ZDHHC14: variants seen among roughly 807,000 people sequenced by gnomAD.
ZDHHC14 encodes the protein palmitoyltransferase ZDHHC14.
ZDHHC14 carries 16 observed loss-of-function variants against 47.7 expected under a neutral mutation model. The ratio of observed to expected loss-of-function variants is 0.34; its 90% CI spans 0.23 to 0.51. The LOEUF (loss-of-function observed/expected upper bound fraction) is 0.51. Ranked by LOEUF, ZDHHC14 falls within the 20% of genes least tolerant of loss-of-function variation. The pLI is 0.97. For missense variants in ZDHHC14, 515 were observed against 662.5 expected, an observed-to-expected ratio of 0.78 and a Z score of 2.44; for synonymous variants, 293 against 278.9, an observed-to-expected ratio of 1.05 and a Z score of -0.50.
chr6:157,485,554 T>C (rs1779757465), intron 1 of ZDHHC14, among the ~76,000 whole-genome samples: 1 of 152,198 alleles, frequency 6.6e-6, no homozygotes. Context: ...CCTGTCCCAC[T>C]TTTCCCACAT....
rs892656180 is a variant in ZDHHC14, at chr6:157,567,544, C to T, written c.406+24799C>T. ...CATAAAAGTTGAACCCGCCGGGCGC[C>T]GTGGCTTTTGCCTGTAATCCCAACA... is the stretch of plus-strand genomic sequence containing the variant. On this transcript the variant is annotated intron_variant, in intron 2 of 8. Coordinates refer to ENST00000359775, the MANE Select transcript of ZDHHC14 (RefSeq NM_024630.3). Among the ~76,000 whole-genome samples, 23 of 152,088 alleles carry T rather than the reference C, an allele frequency of 1.5e-4. No individual in the cohort carries two copies. The South Asian group carries it at 1.9e-3, about 12-fold the overall frequency.
intron 1 of ZDHHC14, among the ~76,000 whole-genome samples, chr6:157,481,876 C>G (rs113160301): frequency 0.019 from 2,914 of 152,286 alleles, 97 homozygotes; most frequent in African/African-American, 0.066. Context: ...TATCTTACTT[C>G]TCTTATTAGA....
At chr6:157,563,746 C>T (rs143437269) in intron 2 of ZDHHC14, among the ~76,000 whole-genome samples, 471 of 152,332 alleles carry the variant, frequency 3.1e-3, no homozygotes, top group Non-Finnish European at 5.3e-3. Context: ...CTCAAACACC[C>T]GGGGAACTCT....
intron 1 of ZDHHC14, among the ~76,000 whole-genome samples, chr6:157,519,738 TTCA>T (rs1189156643): frequency 6.6e-6 from 1 of 152,124 alleles, no homozygotes; most frequent in Non-Finnish European, 1.5e-5. Flanking sequence ...AACGAAAGGA[TTCA>T]TCGTTTTTTT....
chr6:157,657,053 T>TG (rs1562533300), intron 8 of ZDHHC14, among the ~76,000 whole-genome samples: 1 of 112,718 alleles, frequency 8.9e-6, no homozygotes, highest in East Asian at 2.0e-4. Context: ...AGGGTATTTG[T>TG]ATTTTTTTTT....
At chr6:157,468,111 C>T (rs1011063838) in intron 1 of ZDHHC14, among the ~76,000 whole-genome samples, 2 of 152,154 alleles carry the variant, frequency 1.3e-5, no homozygotes, top group African/African-American at 4.8e-5. Context: ...AACCTAACAA[C>T]TCCTGAGTTA....
rs562534135 is a variant in ZDHHC14 at position 157,501,912 on chromosome 6, G to T, written c.246-40673G>T. Among the ~76,000 whole-genome samples the T allele has an allele frequency of 1.7e-4, 26 of 152,266 alleles. No homozygotes were observed. The South Asian group carries it at 5.2e-3, about 30-fold the overall frequency. On this transcript the variant is annotated intron_variant, in intron 1 of 8. Coordinates refer to ENST00000359775, the MANE Select transcript of ZDHHC14 (RefSeq NM_024630.3). Reference sequence around the variant, plus strand: ...ATATTTCAGCTTCTTCAGGACACAGGACTGTGTTTTAGTCTGGAAGGATTC... The same window carrying T: ...ATATTTCAGCTTCTTCAGGACACAGTACTGTGTTTTAGTCTGGAAGGATTC...
intron 7 of ZDHHC14, among the ~76,000 whole-genome samples, chr6:157,648,502 T>C (rs762657780): frequency 1.1e-4 from 10 of 94,976 alleles, no homozygotes; most frequent in African/African-American, 1.6e-4. Context: ...GTTATTACTT[T>C]GAGTCACCGT....
intron 1 of ZDHHC14, among the ~76,000 whole-genome samples, chr6:157,449,231 A>G (rs1702809799): frequency 6.6e-6 from 1 of 152,210 alleles, no homozygotes; most frequent in Non-Finnish European, 1.5e-5. Flanking sequence ...GTCCATGAAA[A>G]GATTTTTGTT....
At chr6:157,671,380 A>G (rs527941771) in intron 8 of ZDHHC14, among the ~76,000 whole-genome samples, 1 of 152,312 alleles carries the variant, frequency 6.6e-6, no homozygotes, top group Admixed American at 6.5e-5. Context: ...CTCCTGCAGA[A>G]GTGAAGTGGA....
chr6:157,425,462 C>G (rs1246659403), intron 1 of ZDHHC14, among the ~76,000 whole-genome samples: 1 of 152,186 alleles, frequency 6.6e-6, no homozygotes, highest in Non-Finnish European at 1.5e-5. Context: ...CTTTCTCACC[C>G]AATTATGTTG....
chr6:157,419,049 G>A (rs938204533), intron 1 of ZDHHC14, among the ~76,000 whole-genome samples: 2 of 152,176 alleles, frequency 1.3e-5, no homozygotes, highest in African/African-American at 2.4e-5. Flanking sequence ...GGCCATTTGT[G>A]GAGCAGCAGG....
intron 1 of ZDHHC14, among the ~76,000 whole-genome samples, chr6:157,517,782 C>A (rs1026908573): frequency 2.0e-5 from 3 of 152,248 alleles, no homozygotes; most frequent in Non-Finnish European, 4.4e-5. Context: ...CATCTGGGCG[C>A]TGCCTGCATT....
At chr6:157,602,449 C>T (rs1784371479) in intron 3 of ZDHHC14, among the ~76,000 whole-genome samples, 1 of 148,460 alleles carries the variant, frequency 6.7e-6, no homozygotes, top group Non-Finnish European at 1.5e-5. Flanking sequence ...GAGATGGCAC[C>T]ACTGCACTCC....
At chr6:157,520,515 G>A (rs1446598989) in intron 1 of ZDHHC14, among the ~76,000 whole-genome samples, 1 of 152,174 alleles carries the variant, frequency 6.6e-6, no homozygotes, top group African/African-American at 2.4e-5. Flanking sequence ...ATGTTTGCAT[G>A]GTTTGAGCCA....
intron 1 of ZDHHC14, among the ~76,000 whole-genome samples, chr6:157,490,507 A>G (rs986724151): frequency 6.6e-6 from 1 of 152,266 alleles, no homozygotes; most frequent in African/African-American, 2.4e-5. Flanking sequence ...TCAACTAATT[A>G]TCACTTGTAA....
At chr6:157,402,895 T>G (rs1197668046) in intron 1 of ZDHHC14, among the ~76,000 whole-genome samples, 1 of 152,104 alleles carries the variant, frequency 6.6e-6, no homozygotes, top group Admixed American at 6.5e-5. Context: ...CCTGGCTAGT[T>G]TTTAAATTTT....
At chr6:157,469,816 G>C (rs1407409744) in intron 1 of ZDHHC14, among the ~76,000 whole-genome samples, 1 of 152,190 alleles carries the variant, frequency 6.6e-6, no homozygotes, top group Non-Finnish European at 1.5e-5. Flanking sequence ...CCCGGAAGTG[G>C]AGCAGAGCCG....
rs141940752 is a variant in ZDHHC14 at position 157,612,085 on chromosome 6, C to T, written c.566-16264C>T. 2.2e-4 allele frequency among the ~76,000 whole-genome samples: 34 copies of T among 152,342 alleles called. 1 individual carries two copies. In the East Asian group the frequency reaches 6.2e-3, roughly 28 times the overall value. On this transcript the variant is annotated intron_variant, in intron 3 of 8. Transcript: ENST00000359775. The stretch of plus-strand genomic sequence containing the variant: ...CAGCCCCATTCACAGGCTACACAGA[C>T]GTGAGGGTCCTACCGACTCCTTTCT...
Sources: allele counts gnomAD v4.1 joint callset (sites outside exome capture counted in the v4.1 genomes callset), GRCh38; gene constraint gnomAD v4.1.1; transcripts MANE v1.5; gene names NCBI Gene and HGNC (gene_info 2026-07-23, HGNC 2026-07-21).